Variants in HPGDS observed in about 807,000 individuals in gnomAD.
HPGDS encodes the protein GST class-sigma.
In HPGDS, 26 loss-of-function variants were observed where a neutral mutation model predicts 23.1. The observed-to-expected ratio is 1.13, with a 90% CI of 0.83 to 1.56. The LOEUF (loss-of-function observed/expected upper bound fraction) is 1.56. Among genes scored for constraint, HPGDS ranks in the 40% most tolerant of loss-of-function variants. HPGDS has a pLI of 0.00. For missense variants in HPGDS, 268 were observed against 236.4 expected, an observed-to-expected ratio of 1.13 and a Z score of -0.88; for synonymous variants, 95 against 77.9, an observed-to-expected ratio of 1.22 and a Z score of -1.16.
intron 2 of HPGDS, among the ~76,000 whole-genome samples, chr4:94,327,481 A>G (rs908965513): frequency 2.6e-5 from 4 of 152,072 alleles, no homozygotes; most frequent in Non-Finnish European, 5.9e-5. Context: ...GTCCTCAGGC[A>G]TGCAGATGGT....
chr4:94,329,440 T>A (rs567162727), intron 2 of HPGDS, among the ~76,000 whole-genome samples: 8 of 152,254 alleles, frequency 5.3e-5, no homozygotes, highest in African/African-American at 1.7e-4. Context: ...GATTTGAAAA[T>A]CTTATTTTTT....
intron 1 of HPGDS, among the ~76,000 whole-genome samples, chr4:94,341,700 CAA>C (rs1721177787): frequency 6.6e-6 from 1 of 152,110 alleles, no homozygotes; most frequent in South Asian, 2.1e-4. Flanking sequence ...GATATAAAAA[CAA>C]AGATTACTTG....
Position 94,299,603 on chromosome 4 carries a change from T to A in HPGDS, c.477A>T (p.Thr159=), listed in dbSNP as rs752182931. Residue 159 remains threonine (T), a synonymous_variant, in exon 6 of 6, where the codon ACA becomes ACT. Coordinates refer to ENST00000295256, the MANE Select transcript of HPGDS (RefSeq NM_014485.3). ...ACAGGTCAGGCTTAAAGACCAAAAGTGTGGTACTGCAAATCTCCCAGTAGA... is the reference window on the plus strand; with the variant it reads ...ACAGGTCAGGCTTAAAGACCAAAAGAGTGGTACTGCAAATCTCCCAGTAGA... ...ADFYWEICST[T]LLVFKPDLLD... The A allele has an allele frequency of 2.7e-5, 44 of 1,614,008 alleles. No homozygotes were observed. Among genetic ancestry groups the A allele is most frequent in the Non-Finnish European group, 3.7e-5 (44 of 1,180,004 alleles).
At chr4:94,300,106 A>G (rs756462619) in intron 5 of HPGDS, among the ~76,000 whole-genome samples, 37 of 152,278 alleles carry the variant, frequency 2.4e-4, no homozygotes, top group Admixed American at 4.6e-4. Context: ...TCACCAAATT[A>G]TTGAAGATTT....
At chr4:94,319,308 A>G (rs1007172379) in intron 2 of HPGDS, among the ~76,000 whole-genome samples, 1 of 152,108 alleles carries the variant, frequency 6.6e-6, no homozygotes, top group Non-Finnish European at 1.5e-5. Flanking sequence ...CTTAAAGTCT[A>G]TTTTGTCTGC....
chr4:94,314,007 C>A (rs991692462), intron 3 of HPGDS, among the ~76,000 whole-genome samples: 1 of 152,180 alleles, frequency 6.6e-6, no homozygotes. Context: ...TTAAGGACTT[C>A]TCTGCATTGG....
chr4:94,321,840 C>T (rs940389821), intron 2 of HPGDS, among the ~76,000 whole-genome samples: 1 of 152,156 alleles, frequency 6.6e-6, no homozygotes, highest in African/African-American at 2.4e-5. Flanking sequence ...CTGTCTTGTG[C>T]CAGTTTTCAA....
At chr4:94,340,448 C>T (rs573459577) in intron 1 of HPGDS, among the ~76,000 whole-genome samples, 2 of 142,592 alleles carry the variant, frequency 1.4e-5, no homozygotes, top group Admixed American at 7.2e-5. Context: ...ACGCCATTCT[C>T]CTGCCTCAGC....
At chr4:94,335,193 C>G (rs933331793) in intron 1 of HPGDS, among the ~76,000 whole-genome samples, 3 of 152,140 alleles carry the variant, frequency 2.0e-5, no homozygotes, top group Non-Finnish European at 2.9e-5. Flanking sequence ...AAACACTGCT[C>G]TCTGGTTCCC....
At chr4:94,302,101 G>C (rs746328632) in intron 5 of HPGDS, 45 bp downstream of exon 5, 1 of 1,401,760 alleles carries the variant, frequency 7.1e-7, no homozygotes, top group Non-Finnish European at 1.0e-6. Context: ...CTATTGGTTT[G>C]TCCTTTTATT....
At chr4:94,317,515 T>C (rs1411532674) in intron 3 of HPGDS, among the ~76,000 whole-genome samples, 1 of 152,200 alleles carries the variant, frequency 6.6e-6, no homozygotes, top group East Asian at 1.9e-4. Flanking sequence ...AACCTCCATA[T>C]GCCATATGTA....
chr4:94,314,937 C>T (rs1050010761), intron 3 of HPGDS, among the ~76,000 whole-genome samples: 4 of 152,250 alleles, frequency 2.6e-5, no homozygotes, highest in African/African-American at 9.6e-5. Context: ...ACCCTCTTAG[C>T]CAGGCACGGG....
intron 4 of HPGDS, among the ~76,000 whole-genome samples, chr4:94,304,254 C>A (rs932359150): frequency 6.6e-6 from 1 of 152,062 alleles, no homozygotes; most frequent in Non-Finnish European, 1.5e-5. Context: ...GTTGGAACCA[C>A]GACATCAGAA....
chr4:94,299,201 G>A lies in HPGDS; in HGVS notation c.*279C>T, dbSNP rs1227200071. The A allele has an allele frequency of 3.7e-6, 1 of 271,746 alleles. No homozygotes were observed. The highest frequency in any genetic ancestry group is 6.9e-6 in the Non-Finnish European group (1 of 144,908). 16.8% of individuals were successfully genotyped at this position (271,746 alleles called of 1,614,324 possible). A position where few individuals can be genotyped will look rare whatever the true frequency, so the allele number is the denominator to read the frequency against. Reference sequence around the variant, plus strand: ...ATGGTGTTGCTAAACCATTATGACTGCAATTCGTGCATGTTAGAACCTGTG... The same window carrying A: ...ATGGTGTTGCTAAACCATTATGACTACAATTCGTGCATGTTAGAACCTGTG... On this transcript the variant is annotated 3_prime_UTR_variant, in exon 6 of 6. Coordinates refer to ENST00000295256, the MANE Select transcript of HPGDS (RefSeq NM_014485.3).
chr4:94,307,782 A>G (rs765200128), intron 4 of HPGDS, among the ~76,000 whole-genome samples: 1 of 152,168 alleles, frequency 6.6e-6, no homozygotes, highest in Non-Finnish European at 1.5e-5. Context: ...GAAGCAAAAG[A>G]AAGCAATTAC....
chr4:94,299,391 T>G lies in HPGDS; in HGVS notation c.*89A>C. On this transcript the variant is annotated 3_prime_UTR_variant, in exon 6 of 6. Coordinates refer to ENST00000295256, the MANE Select transcript of HPGDS (RefSeq NM_014485.3). Reference sequence around the variant, plus strand: ...TCTTAGTGGAGCTGGGGAGGGAGCATGTGGATTATCTGGCAGGCTGATGTA... The same window carrying G: ...TCTTAGTGGAGCTGGGGAGGGAGCAGGTGGATTATCTGGCAGGCTGATGTA... 1 of 1,126,954 alleles carries G rather than the reference T, an allele frequency of 8.9e-7. No individual in the cohort carries two copies. Among genetic ancestry groups the G allele is most frequent in the Non-Finnish European group, 1.2e-6 (1 of 809,578 alleles). 69.8% of individuals were successfully genotyped at this position (1,126,954 alleles called of 1,614,324 possible). A position where few individuals can be genotyped will look rare whatever the true frequency, so the allele number is the denominator to read the frequency against.
At chr4:94,321,954 T>C (rs1468284048) in intron 2 of HPGDS, among the ~76,000 whole-genome samples, 1 of 152,216 alleles carries the variant, frequency 6.6e-6, no homozygotes, top group Non-Finnish European at 1.5e-5. Context: ...ACCTAATTTA[T>C]TGAGAGTTTT....
At position 94,340,464 on chromosome 4, in the gene HPGDS, G is replaced by C. The variant is rs954042245; in HGVS notation, c.-10+2331C>G. Among the ~76,000 whole-genome samples, 8 of 143,478 alleles carry C rather than the reference G, an allele frequency of 5.6e-5. No individual in the cohort carries two copies. The East Asian group carries it at 1.3e-3, about 23-fold the overall frequency. The allele number at this position is 143,478 out of a possible 152,430, so 94.1% of individuals were successfully genotyped here. ...CGCCATTCTCCTGCCTCAGCTTCCC[G>C]AGTAGCTGGGACTACAGGCACGCGC... is the stretch of plus-strand genomic sequence containing the variant. On this transcript the variant is annotated intron_variant, in intron 1 of 5. Coordinates refer to ENST00000295256, the MANE Select transcript of HPGDS (RefSeq NM_014485.3).
intron 1 of HPGDS, among the ~76,000 whole-genome samples, chr4:94,339,054 A>C (rs1372099094): frequency 6.6e-6 from 1 of 152,240 alleles, no homozygotes; most frequent in East Asian, 1.9e-4. Context: ...CATGACATAG[A>C]GTGAGGACTA....
Sources: allele counts gnomAD v4.1 joint callset (sites outside exome capture counted in the v4.1 genomes callset), GRCh38; gene constraint gnomAD v4.1.1; transcripts MANE v1.5; gene names NCBI Gene and HGNC (gene_info 2026-07-23, HGNC 2026-07-21).